The following FNBP1 variants were observed in gnomAD, a reference collection of about 807,000 sequenced individuals.
The protein encoded by FNBP1 is formin binding protein 1.
A neutral mutation model predicts 90.6 loss-of-function variants in FNBP1; 26 were observed. That is an observed-to-expected ratio of 0.29 (90% CI 0.21 to 0.40). FNBP1 has a LOEUF of 0.40. FNBP1 is among the 10% of genes least tolerant of loss of function. The probability of loss-of-function intolerance (pLI) is 1.00; values close to 1 mark genes in which losing one functional copy is unlikely to be tolerated. For missense variants in FNBP1, 635 were observed against 768.0 expected (o/e 0.83, Z 2.05); for synonymous variants, 260 against 265.2 (o/e 0.98, Z 0.19).
chr9:129,929,150 C>T (rs2042350345), intron 7 of FNBP1, among the ~76,000 whole-genome samples: 1 of 151,860 alleles, frequency 6.6e-6, no homozygotes, highest in African/African-American at 2.4e-5. Context: ...TGGCTCAGGC[C>T]TGTAATCCCA....
intron 4 of FNBP1, among the ~76,000 whole-genome samples, chr9:129,973,027 C>T (rs1484416349): frequency 6.6e-6 from 1 of 152,148 alleles, no homozygotes; most frequent in East Asian, 1.9e-4. Flanking sequence ...TTACAGATTC[C>T]TAAGTGTATG....
chr9:130,047,568 G>A (rs1053128602), upstream of FNBP1, among the ~76,000 whole-genome samples: 4 of 152,082 alleles, frequency 2.6e-5, no homozygotes, highest in African/African-American at 4.8e-5. Flanking sequence ...ATCCAAGATC[G>A]CACCACTGCA....
At chr9:130,029,633 T>C (rs1243605772) in intron 1 of FNBP1, among the ~76,000 whole-genome samples, 1 of 152,108 alleles carries the variant, frequency 6.6e-6, no homozygotes, top group Non-Finnish European at 1.5e-5. Context: ...ATCAAAATGT[T>C]AAACAGTGCT....
At chr9:129,948,113 G>A (rs1351612112) in intron 6 of FNBP1, among the ~76,000 whole-genome samples, 2 of 151,358 alleles carry the variant, frequency 1.3e-5, no homozygotes, top group Non-Finnish European at 2.9e-5. Context: ...CACATAGGGA[G>A]ACCCCGTCTC....
intron 4 of FNBP1, among the ~76,000 whole-genome samples, chr9:129,975,384 T>C (rs944843281): frequency 1.3e-5 from 2 of 152,160 alleles, no homozygotes; most frequent in Non-Finnish European, 2.9e-5. Context: ...CAACAGAACA[T>C]CTGACTCAGA....
At chr9:130,009,956 G>C (rs1268970355) in intron 1 of FNBP1, among the ~76,000 whole-genome samples, 1 of 148,832 alleles carries the variant, frequency 6.7e-6, no homozygotes, top group Non-Finnish European at 1.5e-5. Flanking sequence ...TCCAGCCTGG[G>C]TGACAGAGCA....
Position 129,900,084 on chromosome 9 carries a change from G to C in FNBP1, c.1568C>G (p.Thr523Arg). ...QDRESPDGSY[T>R]EEQSQESEMK... Reference sequence around the variant, plus strand: ...CTCACTCTCCTGACTCTGCTCCTCTGTGTAACTGCCATCTGGGCTGCTCAA... The same window carrying C: ...CTCACTCTCCTGACTCTGCTCCTCTCTGTAACTGCCATCTGGGCTGCTCAA... The change falls in exon 15 of 17, where the codon ACA becomes AGA. Residue 523 changes from threonine to arginine, a missense_variant. Thr to Arg is a moderately conservative substitution (Grantham distance 71, BLOSUM62 -1). Transcript: ENST00000446176. This position sits in a 1 kb window ranked among gnomAD's most constrained non-coding sequence, Gnocchi z 4.1. 1 of 1,611,312 alleles carries C rather than the reference G, an allele frequency of 6.2e-7. No homozygotes were observed. Among genetic ancestry groups the C allele is most frequent in the East Asian group, 2.2e-5 (1 of 44,746 alleles).
chr9:130,026,505 C>CA (rs903559059), intron 1 of FNBP1, among the ~76,000 whole-genome samples: 8 of 150,602 alleles, frequency 5.3e-5, no homozygotes, highest in Admixed American at 4.6e-4. Flanking sequence ...AAAAAACAAA[C>CA]AAAAAAAAGA....
intron 4 of FNBP1, among the ~76,000 whole-genome samples, chr9:129,961,971 G>A (rs912405716): frequency 6.6e-6 from 1 of 152,198 alleles, no homozygotes; most frequent in South Asian, 2.1e-4. Flanking sequence ...TCTCCACCCT[G>A]TCTGGGTCCC....
chr9:130,011,243 A>AAATAT (rs1554854971), intron 1 of FNBP1, among the ~76,000 whole-genome samples: 3 of 42,236 alleles, frequency 7.1e-5, no homozygotes, highest in Admixed American at 3.2e-4. Flanking sequence ...AAAAAAAAAA[A>AAATAT]ATATATATAT....
At chr9:129,975,986 T>C (rs2050254883) in intron 4 of FNBP1, among the ~76,000 whole-genome samples, 1 of 149,398 alleles carries the variant, frequency 6.7e-6, no homozygotes, top group African/African-American at 2.5e-5. Flanking sequence ...CTTTGCAAGG[T>C]CAAGGGAAGT....
chr9:129,901,367 T>C (rs1041545557), intron 13 of FNBP1, among the ~76,000 whole-genome samples: 1 of 151,506 alleles, frequency 6.6e-6, no homozygotes, highest in African/African-American at 2.4e-5. Flanking sequence ...TGAAACTCCA[T>C]CTCCATTAAA....
chr9:129,897,066 T>C (rs1336297614), intron 15 of FNBP1, among the ~76,000 whole-genome samples: 2 of 152,212 alleles, frequency 1.3e-5, no homozygotes, highest in African/African-American at 4.8e-5. Context: ...ACAACATAGA[T>C]GAACCTGGAT....
rs1003171765 is a variant in FNBP1 at position 130,042,358 on chromosome 9, C to T, written c.24+594G>A. On this transcript the variant is annotated intron_variant, in intron 1 of 16. Transcript: ENST00000446176. This position sits in a 1 kb window ranked among gnomAD's most constrained non-coding sequence, Gnocchi z 5.5. The stretch of plus-strand genomic sequence containing the variant: ...CACATCCCACTCAGGATTGAGCTAC[C>T]CCGAAAGAACAAGTGCGCCCGGAGC... Among the ~76,000 whole-genome samples, 1 of 152,140 alleles carries T rather than the reference C, an allele frequency of 6.6e-6. No homozygotes were observed. Among genetic ancestry groups the T allele is most frequent in the Non-Finnish European group, 1.5e-5 (1 of 68,010 alleles).
intron 6 of FNBP1, among the ~76,000 whole-genome samples, chr9:129,944,668 A>G (rs2044943043): frequency 6.6e-6 from 1 of 152,208 alleles, no homozygotes; most frequent in African/African-American, 2.4e-5. Context: ...TTGCAGTTCA[A>G]AAATAGGCCA....
chr9:129,948,356 C>CTTTTTTTTTTT lies in FNBP1; in HGVS notation c.513+8993_513+9003dup, dbSNP rs71385491. ...TCATACAAAACACCTATTTTGGTGT[C>CTTTTTTTTTTT]TTTTTTTTTTTTTTTTTTTTTTTTT... is the stretch of plus-strand genomic sequence containing the variant. On this transcript the variant is annotated intron_variant, in intron 6 of 16. Coordinates refer to ENST00000446176, the MANE Select transcript of FNBP1 (RefSeq NM_015033.3). Among the ~76,000 whole-genome samples the CTTTTTTTTTTT allele has an allele frequency of 4.7e-5, 3 of 64,430 alleles. 1 individual carries two copies. Among genetic ancestry groups the CTTTTTTTTTTT allele is most frequent in the Non-Finnish European group, 7.7e-5 (3 of 38,740 alleles). 42.3% of individuals were successfully genotyped at this position (64,430 alleles called of 152,430 possible).
the FNBP1 span, among the ~76,000 whole-genome samples, chr9:130,048,953 T>C: frequency 1.3e-5 from 2 of 151,376 alleles, no homozygotes; most frequent in East Asian, 2.0e-4. Context: ...GCTAGTATTT[T>C]GTATTTTTAG....
intron 6 of FNBP1, among the ~76,000 whole-genome samples, chr9:129,951,672 T>C (rs937164131): frequency 2.0e-5 from 3 of 151,888 alleles, no homozygotes; most frequent in Non-Finnish European, 4.4e-5. Flanking sequence ...CTCAAACTCC[T>C]GGGCTTAAGC....
At chr9:129,995,324 T>C (rs1293351024) in intron 1 of FNBP1, among the ~76,000 whole-genome samples, 1 of 152,160 alleles carries the variant, frequency 6.6e-6, no homozygotes, top group Non-Finnish European at 1.5e-5. Context: ...CTGTTATCTC[T>C]GGGTAATCAT....
Sources: allele counts gnomAD v4.1 joint callset (sites outside exome capture counted in the v4.1 genomes callset), GRCh38; gene constraint gnomAD v4.1.1; non-coding constraint Gnocchi (gnomAD v3.1); transcripts MANE v1.5; gene names NCBI Gene and HGNC (gene_info 2026-07-23, HGNC 2026-07-21).